Variants in KCNB2 observed in about 807,000 individuals in gnomAD.
KCNB2 encodes the protein potassium voltage-gated channel subfamily B member 2.
In KCNB2, 15 loss-of-function variants were observed where a neutral mutation model predicts 61.5. The observed-to-expected ratio is 0.24, with a 90% CI of 0.16 to 0.38. The LOEUF is 0.38. Ranked by LOEUF, KCNB2 falls within the 10% of genes least tolerant of loss-of-function variation. The pLI is 1.00. For missense variants in KCNB2, 828 were observed against 1,125.2 expected (o/e 0.74, Z 3.78); for synonymous variants, 457 against 446.0 (o/e 1.02, Z -0.31).
At chr8:72,703,627 A>G (rs1417352902) in intron 2 of KCNB2, among the ~76,000 whole-genome samples, 1 of 152,176 alleles carries the variant, frequency 6.6e-6, no homozygotes, top group Non-Finnish European at 1.5e-5. Flanking sequence ...TACTTTCAGA[A>G]TCAGAGAGGA....
At chr8:72,908,415 T>G (rs1255819271) in intron 2 of KCNB2, among the ~76,000 whole-genome samples, 21 of 152,204 alleles carry the variant, frequency 1.4e-4, no homozygotes. Flanking sequence ...GAGCCATGTC[T>G]GATTTTGTTC....
intron 2 of KCNB2, among the ~76,000 whole-genome samples, chr8:72,760,753 G>C (rs1184818131): frequency 1.3e-5 from 2 of 152,152 alleles, no homozygotes; most frequent in Admixed American, 6.5e-5. Flanking sequence ...GATTGACTTG[G>C]TGTTGGCAGT....
rs142643155 is a variant in KCNB2, at chr8:72,552,287, A to G, written c.-94+14402A>G. ...TTATTTAAGAACAGAACTCAGCCTC[A>G]TAACTTCACAGGAAAGTTGTCTAGA... is the stretch of plus-strand genomic sequence containing the variant. On this transcript the variant is annotated intron_variant, in intron 1 of 2. Coordinates refer to ENST00000523207, the MANE Select transcript of KCNB2 (RefSeq NM_004770.3). 2.8e-3 allele frequency among the ~76,000 whole-genome samples: 419 copies of G among 152,350 alleles called. 2 individuals are homozygous for G. The highest frequency in any genetic ancestry group is 8.5e-3 in the African/African-American group (352 of 41,594).
At chr8:72,597,177 C>T (rs1346419049) in intron 2 of KCNB2, among the ~76,000 whole-genome samples, 2 of 151,988 alleles carry the variant, frequency 1.3e-5, no homozygotes, top group African/African-American at 4.8e-5. Context: ...GCGCACGCCA[C>T]CACACTCAGC....
intron 2 of KCNB2, among the ~76,000 whole-genome samples, chr8:72,741,635 C>T (rs1807961940): frequency 6.6e-6 from 1 of 152,050 alleles, no homozygotes; most frequent in Non-Finnish European, 1.5e-5. Context: ...ATCCTCATAT[C>T]TTAGCTCCCA....
intron 2 of KCNB2, among the ~76,000 whole-genome samples, chr8:72,912,489 CATAT>C (rs5892374): frequency 0.016 from 2,164 of 137,164 alleles, 19 homozygotes; most frequent in South Asian, 0.03. Flanking sequence ...AGCTTTTATT[CATAT>C]ATATATATAT....
intron 2 of KCNB2, among the ~76,000 whole-genome samples, chr8:72,589,991 AT>A (rs1218645351): frequency 6.6e-6 from 1 of 152,160 alleles, no homozygotes; most frequent in Non-Finnish European, 1.5e-5. Context: ...TCTTATAATG[AT>A]TTTTACAGTG....
intron 2 of KCNB2, among the ~76,000 whole-genome samples, chr8:72,905,037 G>T (rs1324830372): frequency 1.3e-5 from 2 of 152,122 alleles, no homozygotes; most frequent in South Asian, 4.1e-4. Flanking sequence ...TGATCATGAT[G>T]ATCTTTTAAC....
intron 2 of KCNB2, chr8:72,618,902 C>T (rs182913738): frequency 5.5e-4 from 169 of 310,048 alleles, no homozygotes; most frequent in African/African-American, 3.2e-3. Context: ...TCTCTGATAC[C>T]GCTACTAGGG....
chr8:72,872,975 G>C (rs1439957682), intron 2 of KCNB2, among the ~76,000 whole-genome samples: 1 of 152,258 alleles, frequency 6.6e-6, no homozygotes, highest in Admixed American at 6.5e-5. Context: ...TCCATGGCTG[G>C]CACAGAGAAG....
rs921232840 is a variant in KCNB2 at position 72,656,453 on chromosome 8, AAAT to A, written c.579+88153_579+88155del. Among the ~76,000 whole-genome samples, 124 of 152,238 alleles carry A rather than the reference AAAT, an allele frequency of 8.1e-4. 1 individual carries two copies. The highest frequency in any genetic ancestry group is 3.1e-3 in the Admixed American group (47 of 15,276). ...AATTGGCTGTCAACATTCGAGTCGT[AAAT>A]AATAATAATAATGGCACACAAAAGC... On this transcript the variant is annotated intron_variant, in intron 2 of 2. Transcript: ENST00000523207.
chr8:72,748,187 G>C (rs1235710028), intron 2 of KCNB2, among the ~76,000 whole-genome samples: 1 of 152,120 alleles, frequency 6.6e-6, no homozygotes, highest in Non-Finnish European at 1.5e-5. Context: ...AATTTTTATT[G>C]TTATAACTTC....
chr8:72,607,718 T>C (rs532105070), intron 2 of KCNB2, among the ~76,000 whole-genome samples: 302 of 152,324 alleles, frequency 2.0e-3, no homozygotes, highest in Non-Finnish European at 3.5e-3. Context: ...CATTTCCATA[T>C]TGAATAATTG....
intron 2 of KCNB2, among the ~76,000 whole-genome samples, chr8:72,787,086 C>T (rs1808855696): frequency 6.6e-6 from 1 of 152,082 alleles, no homozygotes; most frequent in Non-Finnish European, 1.5e-5. Flanking sequence ...TCTACCTTTC[C>T]CCTGACACAG....
intron 2 of KCNB2, among the ~76,000 whole-genome samples, 198 bp from the exon 3 acceptor site, chr8:72,935,737 G>A (rs1308812836): frequency 6.6e-6 from 1 of 152,192 alleles, no homozygotes; most frequent in Non-Finnish European, 1.5e-5. Context: ...GGGGGGAATG[G>A]AATTTAAATA....
At chr8:72,864,024 G>A (rs1805467444) in intron 2 of KCNB2, among the ~76,000 whole-genome samples, 1 of 152,122 alleles carries the variant, frequency 6.6e-6, no homozygotes, top group African/African-American at 2.4e-5. Context: ...GGAGGTGGGG[G>A]AATAGTCGCT....
At position 72,936,047 on chromosome 8, in the gene KCNB2, G is replaced by A. The variant is rs1400578397; in HGVS notation, c.692G>A (p.Arg231His). The A allele has an allele frequency of 6.2e-7, 1 of 1,613,988 alleles. No individual in the cohort carries two copies. Among genetic ancestry groups the A allele is most frequent in the African/African-American group, 1.3e-5 (1 of 74,898 alleles). The part of the protein sequence containing the change: ...TDEFGQLNDN[R>H]QLAHVEAVCI... ...GAATTTGGACAACTCAATGACAACC[G>A]CCAATTAGCACACGTGGAGGCTGTG... is the stretch of plus-strand genomic sequence containing the variant. Residue 231 changes from arginine (R) to histidine (H), a missense_variant, in exon 3 of 3, where the codon CGC (arginine) becomes CAC (histidine). Physicochemically the swap from Arg to His is conservative, Grantham distance 29. This residue lies in a region of KCNB2 where 163 missense variants were observed against 314.4 expected (regional missense o/e 0.52). Transcript: ENST00000523207. This position sits in a 1 kb window ranked among gnomAD's most constrained non-coding sequence, Gnocchi z 5.6.
intron 2 of KCNB2, among the ~76,000 whole-genome samples, chr8:72,744,707 A>T (rs1808028203): frequency 6.6e-6 from 1 of 152,148 alleles, no homozygotes; most frequent in South Asian, 2.1e-4. Flanking sequence ...CTGCCACGTG[A>T]ATTGCTTAGG....
chr8:72,769,278 T>C (rs890113990), intron 2 of KCNB2, among the ~76,000 whole-genome samples: 1 of 152,086 alleles, frequency 6.6e-6, no homozygotes, highest in South Asian at 2.1e-4. Flanking sequence ...TGCTGGACAC[T>C]GTTAACATCC....
Sources: allele counts gnomAD v4.1 joint callset (sites outside exome capture counted in the v4.1 genomes callset), GRCh38; gene constraint gnomAD v4.1.1; regional missense constraint gnomAD v4.1.1; non-coding constraint Gnocchi (gnomAD v3.1); transcripts MANE v1.5; gene names NCBI Gene and HGNC (gene_info 2026-07-23, HGNC 2026-07-21).